Variants in SYNE2 observed in about 807,000 individuals in gnomAD.
SYNE2 encodes spectrin repeat containing nuclear envelope protein 2.
In SYNE2, 431 loss-of-function variants were observed where a neutral mutation model predicts 856.3. The observed-to-expected ratio is 0.50, with a 90% CI of 0.47 to 0.55. The LOEUF (loss-of-function observed/expected upper bound fraction) is 0.55. Among genes scored for constraint, SYNE2 ranks in the 20% least tolerant of loss-of-function variants. SYNE2 has a pLI of 0.00. For missense variants in SYNE2, 8,129 were observed against 8,023.2 expected (o/e 1.01, Z -0.50); for synonymous variants, 2,923 against 2,872.3 (o/e 1.02, Z -0.56).
chr14:64,058,542 A>G (rs1475646149), intron 49 of SYNE2, among the ~76,000 whole-genome samples: 1 of 152,132 alleles, frequency 6.6e-6, no homozygotes, highest in Middle Eastern at 3.2e-3. Flanking sequence ...GCTGGAGTGC[A>G]GTGGCACAGT....
chr14:64,066,903 C>A (rs1393999725), intron 51 of SYNE2, among the ~76,000 whole-genome samples: 3 of 152,146 alleles, frequency 2.0e-5, no homozygotes, highest in Non-Finnish European at 4.4e-5. Context: ...AAGCTGTAAA[C>A]CCCTGTAGGC....
chr14:63,761,909 C>G (rs1958413), exon 1 of SYNE2: 119,231 of 226,874 alleles, frequency 0.53, 36,391 homozygotes, highest in Non-Finnish European at 0.64. Flanking sequence ...GCAGGACCGC[C>G]GTGACGACCA....
At chr14:63,861,136 A>G (rs1595244617) in intron 1 of SYNE2, among the ~76,000 whole-genome samples, 1 of 139,830 alleles carries the variant, frequency 7.2e-6, no homozygotes, top group Non-Finnish European at 1.5e-5. Context: ...TGTGATATTT[A>G]CCACATTGTT....
chr14:63,938,345 A>C (rs528314422), intron 2 of SYNE2, among the ~76,000 whole-genome samples: 1 of 152,122 alleles, frequency 6.6e-6, no homozygotes, highest in Non-Finnish European at 1.5e-5. Context: ...AGTCCCAGCT[A>C]CTTGGGAGCC....
chr14:63,832,545 T>G (rs754594533), intron 1 of SYNE2, among the ~76,000 whole-genome samples: 11 of 152,012 alleles, frequency 7.2e-5, no homozygotes, highest in Admixed American at 1.3e-4. Context: ...AATTATTATT[T>G]TAGGTTCAGC....
intron 1 of SYNE2, among the ~76,000 whole-genome samples, chr14:63,828,510 G>T (rs1411580825): frequency 4.0e-5 from 6 of 150,704 alleles, no homozygotes; most frequent in Admixed American, 3.3e-4. Context: ...ATGGTGGCAG[G>T]TGCCTGTAAT....
At chr14:63,973,608 G>A (rs1324506803) in intron 11 of SYNE2, among the ~76,000 whole-genome samples, 1 of 136,466 alleles carries the variant, frequency 7.3e-6, no homozygotes. Flanking sequence ...CTCCAGCCTG[G>A]GTAACACACC....
chr14:63,778,076 TC>T (rs1887174135), intron 1 of SYNE2, among the ~76,000 whole-genome samples: 1 of 152,162 alleles, frequency 6.6e-6, no homozygotes, highest in Non-Finnish European at 1.5e-5. Context: ...CCAAATCTCA[TC>T]TTGTATTGTA....
intron 51 of SYNE2, among the ~76,000 whole-genome samples, chr14:64,069,588 A>G (rs532012614): frequency 6.6e-6 from 1 of 152,342 alleles, no homozygotes; most frequent in South Asian, 2.1e-4. Context: ...GCATCTGAGC[A>G]GTAATCCCAA....
chr14:64,218,642 C>T, intron 109 of SYNE2, 130 bp downstream of exon 109: 1 of 842,618 alleles, frequency 1.2e-6, no homozygotes, highest in South Asian at 1.5e-5. Context: ...CCTACAACAA[C>T]CAATGTTATT....
intron 1 of SYNE2, among the ~76,000 whole-genome samples, chr14:63,884,861 C>T (rs1228378900): frequency 5.9e-5 from 9 of 151,982 alleles, no homozygotes; most frequent in Non-Finnish European, 1.2e-4. Context: ...AGGATGGTCT[C>T]GATCTCCTGA....
chr14:63,946,341 G>C (rs922773488), intron 6 of SYNE2, among the ~76,000 whole-genome samples: 2 of 151,774 alleles, frequency 1.3e-5, no homozygotes, highest in Non-Finnish European at 2.9e-5. Flanking sequence ...GGTGGGAGAA[G>C]CACTTGAGTC....
At chr14:63,778,154 C>G (rs1438285094) in intron 1 of SYNE2, among the ~76,000 whole-genome samples, 3 of 152,176 alleles carry the variant, frequency 2.0e-5, no homozygotes, top group African/African-American at 7.2e-5. Context: ...TCCCCGCATC[C>G]TGTTCTCCTG....
Position 63,981,044 on chromosome 14 carries a change from G to A in SYNE2, c.1707G>A (p.Met569Ile). 6.3e-7 allele frequency: 1 copy of A among 1,582,352 alleles called. No individual in the cohort carries two copies. Among genetic ancestry groups the A allele is most frequent in the African/African-American group, 1.3e-5 (1 of 74,300 alleles). ...TGATGGTGAAATCTGATGTTTGTATGTATAGAAAAAATATATATAATGTGA... is the reference window on the plus strand; with the variant it reads ...TGATGGTGAAATCTGATGTTTGTATATATAGAAAAAATATATATAATGTGA... The part of the protein sequence containing the change: ...QYMMVKSDVC[M>I]YRKNIYNVKS... The change falls in exon 16 of 116, where the codon ATG (methionine) becomes ATA (isoleucine). Residue 569 changes from methionine (M) to isoleucine (I), a missense_variant. This residue lies in a region of SYNE2 where 2,422 missense variants were observed against 2,357.4 expected (regional missense o/e 1.03). Coordinates refer to ENST00000555002, the MANE Select transcript of SYNE2 (RefSeq NM_182914.3).
At chr14:63,866,133 A>T (rs953167901) in intron 1 of SYNE2, among the ~76,000 whole-genome samples, 1 of 152,210 alleles carries the variant, frequency 6.6e-6, no homozygotes, top group Non-Finnish European at 1.5e-5. Context: ...AACAAGAAAC[A>T]CCACTTAAGT....
rs370175849 is a variant in SYNE2, at chr14:63,954,780, G to A, written c.652G>A (p.Ala218Thr). ...TTGGAGAAATGGGATGGCTTTTTTG[G>A]CCATCATTCATGCCTTGCGACCAGA... ...SSWRNGMAFL[A>T]IIHALRPDLI... is the part of the protein sequence containing the mutation. Residue 218 changes from alanine (A) to threonine (T), a missense_variant, in exon 8 of 116, where the codon GCC becomes ACC. Around this residue, in one of 3 missense-constraint regions of SYNE2, gnomAD observed 2,422 missense variants for 2,357.4 expected, o/e 1.03. Transcript: ENST00000555002. 40 of 1,613,922 alleles carry A rather than the reference G, an allele frequency of 2.5e-5. No individual in the cohort carries two copies. In the South Asian group the frequency reaches 4.0e-4, roughly 16 times the overall value.
At chr14:64,204,229 T>C (rs745730894) in intron 100 of SYNE2, 3 of 152,242 alleles carry the variant, frequency 2.0e-5, no homozygotes, top group African/African-American at 4.8e-5. Flanking sequence ...ATAAGTATTA[T>C]GGAATTTTAA....
Position 64,219,193 on chromosome 14 carries a change from A to G in SYNE2, c.19658-15A>G, listed in dbSNP as rs767490912. ...GCATTATTGCTTTTTTTAATTGGCG[A>G]TTTTTTAATTCCAGGTGCCTTCGAC... On this transcript the variant is annotated splice_polypyrimidine_tract_variant and intron_variant, in intron 109 of 115. Transcript: ENST00000555002. 3.7e-5 allele frequency: 59 copies of G among 1,579,672 alleles called. No homozygotes were observed. Among genetic ancestry groups the G allele is most frequent in the Non-Finnish European group, 4.9e-5 (57 of 1,165,452 alleles).
chr14:64,033,695 G>GA (rs1243652460), intron 45 of SYNE2, among the ~76,000 whole-genome samples: 11 of 149,380 alleles, frequency 7.4e-5, no homozygotes, highest in African/African-American at 2.0e-4. Context: ...CAAGAAAAAA[G>GA]AAAAAAAAAG....
Sources: gnomAD v4.1 joint callset for allele counts (sites outside exome capture counted in the v4.1 genomes callset) on GRCh38, gnomAD v4.1.1 for gene constraint, gnomAD v4.1.1 regional missense constraint, MANE v1.5 for transcripts, NCBI Gene and HGNC (gene_info 2026-07-23, HGNC 2026-07-21) for gene names.